Variants in ASIC2 observed in about 807,000 individuals in gnomAD.
ASIC2 encodes the protein acid sensing ion channel subunit 2.
In ASIC2, 25 loss-of-function variants were observed where a neutral mutation model predicts 57.3. The ratio of observed to expected loss-of-function variants is 0.44; its 90% CI spans 0.32 to 0.61. ASIC2 has a LOEUF of 0.61. Among genes scored for constraint, ASIC2 ranks in the 20% least tolerant of loss-of-function variants. ASIC2 has a pLI of 0.06. For missense variants in ASIC2, 641 were observed against 738.1 expected, an observed-to-expected ratio of 0.87 and a Z score of 1.52; for synonymous variants, 319 against 307.5, an observed-to-expected ratio of 1.04 and a Z score of -0.39.
chr17:33,044,774 G>T (rs2091945706), intron 3 of ASIC2, among the ~76,000 whole-genome samples: 1 of 152,212 alleles, frequency 6.6e-6, no homozygotes, highest in African/African-American at 2.4e-5. Context: ...TAAAAGAACA[G>T]ACATGCACAT....
intron 1 of ASIC2, among the ~76,000 whole-genome samples, chr17:34,113,352 A>G (rs563953271): frequency 6.6e-6 from 1 of 151,778 alleles, no homozygotes; most frequent in African/African-American, 2.4e-5. Flanking sequence ...CTTGAGCTCA[A>G]GGGTTTGAGA....
intron 1 of ASIC2, among the ~76,000 whole-genome samples, chr17:33,724,247 T>TA (rs1909477854): frequency 6.6e-6 from 1 of 152,198 alleles, no homozygotes; most frequent in Non-Finnish European, 1.5e-5. Flanking sequence ...GTGAATCCAT[T>TA]AAACCTCTTT....
chr17:33,347,482 C>G (rs1458052105), intron 1 of ASIC2, among the ~76,000 whole-genome samples: 1 of 152,090 alleles, frequency 6.6e-6, no homozygotes, highest in Non-Finnish European at 1.5e-5. Flanking sequence ...GTCTTCTGGC[C>G]ATGAATTTAA....
chr17:33,524,321 A>G (rs962890777), intron 1 of ASIC2, among the ~76,000 whole-genome samples: 5 of 152,140 alleles, frequency 3.3e-5, no homozygotes, highest in Non-Finnish European at 5.9e-5. Context: ...TATTATTCCC[A>G]TTTCACAGAG....
chr17:33,604,580 C>T (rs1159494256), intron 1 of ASIC2, among the ~76,000 whole-genome samples: 3 of 152,098 alleles, frequency 2.0e-5, no homozygotes, highest in East Asian at 3.9e-4. Flanking sequence ...AACTTTTGGT[C>T]CAAACTGACA....
upstream of ASIC2, among the ~76,000 whole-genome samples, chr17:33,293,318 C>G (rs953716221): frequency 6.6e-6 from 1 of 152,062 alleles, no homozygotes; most frequent in Non-Finnish European, 1.5e-5. Context: ...CGGCGGCGGC[C>G]GTGAGCGCCG....
chr17:34,074,627 G>A (rs1023524997), intron 1 of ASIC2, among the ~76,000 whole-genome samples: 1 of 152,096 alleles, frequency 6.6e-6, no homozygotes, highest in African/African-American at 2.4e-5. Context: ...CTGCGAGTAG[G>A]TAATTTGCTT....
intron 1 of ASIC2, among the ~76,000 whole-genome samples, chr17:33,757,519 G>C (rs1286869535): frequency 1.3e-5 from 2 of 152,102 alleles, no homozygotes; most frequent in East Asian, 3.9e-4. Context: ...TTATGACTGA[G>C]AAATTCACAA....
At chr17:33,019,616 G>C (rs2091826368) in intron 7 of ASIC2, among the ~76,000 whole-genome samples, 2 of 152,154 alleles carry the variant, frequency 1.3e-5, no homozygotes, top group Middle Eastern at 3.4e-3. Flanking sequence ...GGGCCTGATG[G>C]GACCTGATGG....
At chr17:33,432,779 G>C (rs566047414) in intron 1 of ASIC2, among the ~76,000 whole-genome samples, 1 of 152,162 alleles carries the variant, frequency 6.6e-6, no homozygotes, top group South Asian at 2.1e-4. Flanking sequence ...AGATATACAC[G>C]TGACCAACAA....
At chr17:33,034,967 G>A (rs779339921) in intron 3 of ASIC2, among the ~76,000 whole-genome samples, 5 of 152,182 alleles carry the variant, frequency 3.3e-5, no homozygotes, top group Non-Finnish European at 7.3e-5. Context: ...GCATGTTGGA[G>A]TACTTGACAC....
intron 1 of ASIC2, among the ~76,000 whole-genome samples, chr17:33,283,085 G>C (rs115665518): frequency 0.011 from 1,611 of 152,256 alleles, 26 homozygotes; most frequent in African/African-American, 0.037. Flanking sequence ...TGTTAACCCT[G>C]CTCTGGTGTG....
chr17:33,317,226 G>GT (rs375828626), intron 1 of ASIC2, among the ~76,000 whole-genome samples: 40 of 152,310 alleles, frequency 2.6e-4, no homozygotes, highest in African/African-American at 9.4e-4. Context: ...TTCCCTTGCA[G>GT]TGCTGTGATT....
At chr17:33,774,902 A>G (rs1375200622) in intron 1 of ASIC2, among the ~76,000 whole-genome samples, 1 of 152,228 alleles carries the variant, frequency 6.6e-6, no homozygotes, top group Non-Finnish European at 1.5e-5. Context: ...GAATTTTTCA[A>G]TGACTGTGCA....
intron 1 of ASIC2, among the ~76,000 whole-genome samples, chr17:34,008,176 T>C (rs952258200): frequency 6.6e-6 from 1 of 152,352 alleles, no homozygotes. Flanking sequence ...GCAGTAATTA[T>C]GTCACTATAC....
In ASIC2 at chr17:33,293,287, C is replaced by A. The variant is rs993938578; in HGVS notation, c.-1172G>T. On this transcript the variant is annotated 5_prime_UTR_variant, in exon 1 of 10. Coordinates refer to ENST00000225823, the MANE Select transcript of ASIC2 (RefSeq NM_183377.2). ...CACCTGCTCCTCAGCTCGCTGGCCC[C>A]GCGGCTCCGGGCGGGCGGGGCGGCG... Among the ~76,000 whole-genome samples the A allele has an allele frequency of 1.4e-4, 21 of 152,048 alleles. No homozygotes were observed. Among genetic ancestry groups the A allele is most frequent in the Admixed American group, 1.3e-4 (2 of 15,266 alleles).
intron 2 of ASIC2, among the ~76,000 whole-genome samples, chr17:33,105,448 C>T (rs1429905667): frequency 6.6e-6 from 1 of 152,166 alleles, no homozygotes; most frequent in African/African-American, 2.4e-5. Flanking sequence ...GTCCATTAAC[C>T]TTCTTTTTAT....
chr17:34,040,993 AAGATGG>A (rs1221380173), intron 1 of ASIC2, among the ~76,000 whole-genome samples: 3 of 152,196 alleles, frequency 2.0e-5, no homozygotes, highest in Non-Finnish European at 2.9e-5. Flanking sequence ...ACTCCAAGAA[AAGATGG>A]AGATCCAAAT....
At chr17:34,004,802 G>C (rs1258693684) in intron 1 of ASIC2, 2 of 152,038 alleles carry the variant, frequency 1.3e-5, no homozygotes, top group Non-Finnish European at 2.9e-5. Flanking sequence ...TGTCCCATGT[G>C]GCAAACAGTG....
Sources: gnomAD v4.1 joint callset for allele counts (sites outside exome capture counted in the v4.1 genomes callset) on GRCh38, gnomAD v4.1.1 for gene constraint, MANE v1.5 for transcripts, NCBI Gene and HGNC (gene_info 2026-07-23, HGNC 2026-07-21) for gene names.